The following MTMR3 variants were observed in gnomAD, a reference collection of about 807,000 sequenced individuals.
The protein encoded by MTMR3 is myotubularin related protein 3.
Under a neutral mutation model 132.4 loss-of-function variants are expected in MTMR3, and 32 were observed. The observed-to-expected ratio is 0.24, with a 90% confidence interval of 0.18 to 0.32. The LOEUF (loss-of-function observed/expected upper bound fraction) is 0.32, where lower values mean the gene tolerates loss of function less well. Ranked by LOEUF, MTMR3 falls within the 10% of genes least tolerant of loss-of-function variation. The probability of loss-of-function intolerance (pLI) is 1.00; values close to 1 mark genes in which losing one functional copy is unlikely to be tolerated. For synonymous variants in MTMR3, 556 were observed against 550.3 expected (o/e 1.01, Z -0.14); for missense variants, 1,216 against 1,489.6 (o/e 0.82, Z 3.02).
intron 7 of MTMR3, chr22:29,996,475 G>A (rs1453572004): frequency 6.6e-6 from 1 of 152,164 alleles, no homozygotes; most frequent in African/African-American, 2.4e-5. Flanking sequence ...GATCCTTTAA[G>A]GGTATCTATG....
rs115791498 is a variant in MTMR3, at chr22:30,008,393, C to T, written c.1009+361C>T. The T allele has an allele frequency of 3.7e-3, 702 of 191,524 alleles. 6 individuals carry two copies. The highest frequency in any genetic ancestry group is 0.015 in the African/African-American group (657 of 42,540). 11.9% of individuals were successfully genotyped at this position (191,524 alleles called of 1,614,324 possible). ...TTGCCTTTGACAGAGGGTATGCTCA[C>T]CACTGGCCTTGTAGCAAACTCCTCA... On this transcript the variant is annotated intron_variant, in intron 11 of 19. Coordinates refer to ENST00000401950, the MANE Select transcript of MTMR3 (RefSeq NM_021090.4).
chr22:29,971,871 T>C (rs2066543462), intron 3 of MTMR3, among the ~76,000 whole-genome samples: 1 of 152,244 alleles, frequency 6.6e-6, no homozygotes, highest in Non-Finnish European at 1.5e-5. Context: ...TTGTCCTTCT[T>C]CTACCTTGTG....
chr22:29,940,765 A>G (rs976808859), intron 1 of MTMR3, among the ~76,000 whole-genome samples: 7 of 149,968 alleles, frequency 4.7e-5, no homozygotes, highest in South Asian at 2.1e-4. Flanking sequence ...ATCACATCAT[A>G]TGGACTTGAT....
At chr22:30,004,558 A>T (rs958730251) in intron 9 of MTMR3, 3 of 152,166 alleles carry the variant, frequency 2.0e-5, no homozygotes, top group Non-Finnish European at 4.4e-5. Context: ...CCCTTTTTCT[A>T]GAGATACAAG....
rs571846085 is a variant in MTMR3 at position 30,029,221 on chromosome 22, T to A, written c.*3420T>A. The A allele has an allele frequency of 6.6e-6, 1 of 152,484 alleles. No individual in the cohort carries two copies. The highest frequency in any genetic ancestry group is 2.4e-5 in the African/African-American group (1 of 41,576). 9.4% of individuals were successfully genotyped at this position (152,484 alleles called of 1,614,324 possible). ...GAAGCAACAGGGCATGAACTGTGACTTTGAGCTGCCAGGTTGTCTTCATCT... is the reference window on the plus strand; with the variant it reads ...GAAGCAACAGGGCATGAACTGTGACATTGAGCTGCCAGGTTGTCTTCATCT... On this transcript the variant is annotated 3_prime_UTR_variant, in exon 20 of 20. Coordinates refer to ENST00000401950, the MANE Select transcript of MTMR3 (RefSeq NM_021090.4).
chr22:29,994,920 T>C (rs2067032343), intron 7 of MTMR3: 1 of 152,236 alleles, frequency 6.6e-6, no homozygotes, highest in Non-Finnish European at 1.5e-5. Context: ...ACCCTTCTCT[T>C]AGCCCCTCAA....
chr22:30,010,642 C>G (rs1453356254), intron 12 of MTMR3: 2 of 152,294 alleles, frequency 1.3e-5, no homozygotes, highest in Non-Finnish European at 2.9e-5. Flanking sequence ...CTTCATTAGT[C>G]ACAGACAACA....
intron 1 of MTMR3, among the ~76,000 whole-genome samples, chr22:29,932,084 T>C (rs2065658040): frequency 6.6e-6 from 1 of 152,236 alleles, no homozygotes; most frequent in Non-Finnish European, 1.5e-5. Flanking sequence ...TTGTAATTTG[T>C]TTCAGTCTAT....
intron 15 of MTMR3, chr22:30,017,592 C>T: frequency 4.3e-6 from 1 of 231,692 alleles, no homozygotes; most frequent in Non-Finnish European, 8.3e-6. Flanking sequence ...GAATGACTCA[C>T]TTTCTTAGGC....
At chr22:30,013,894 C>G (rs1210997337) in intron 14 of MTMR3, 2 of 203,240 alleles carry the variant, frequency 9.8e-6, no homozygotes, top group African/African-American at 4.8e-5. Flanking sequence ...TGCACCCTCT[C>G]CTTTGATGGA....
At chr22:29,961,556 G>A (rs1256857997) in intron 2 of MTMR3, among the ~76,000 whole-genome samples, 2 of 152,162 alleles carry the variant, frequency 1.3e-5, no homozygotes, top group Non-Finnish European at 2.9e-5. Flanking sequence ...ACAGACCCAA[G>A]ATACGATGGT....
intron 1 of MTMR3, among the ~76,000 whole-genome samples, chr22:29,896,275 ACTCCAGC>A (rs1260321187): frequency 6.6e-6 from 1 of 152,130 alleles, no homozygotes; most frequent in Admixed American, 6.6e-5. Flanking sequence ...ACACCACTGC[ACTCCAGC>A]CTAGGTGATA....
rs2067590579 is a variant in MTMR3 at position 30,016,319 on chromosome 22, C to T, written c.1504-209C>T. 7 of 527,412 alleles carry T rather than the reference C, an allele frequency of 1.3e-5. 1 individual carries two copies. In the South Asian group the frequency reaches 1.5e-4, roughly 11 times the overall value. 32.7% of individuals were successfully genotyped at this position (527,412 alleles called of 1,614,324 possible). A position where few individuals can be genotyped will look rare whatever the true frequency, so the allele number is the denominator to read the frequency against. ...TCACGGAAGCTAAGAGGAATAGGGGCACCAACAACCTGTCTGACTCAGGTT... is the reference window on the plus strand; with the variant it reads ...TCACGGAAGCTAAGAGGAATAGGGGTACCAACAACCTGTCTGACTCAGGTT... On this transcript the variant is annotated intron_variant, in intron 14 of 19. Coordinates refer to ENST00000401950, the MANE Select transcript of MTMR3 (RefSeq NM_021090.4).
chr22:29,910,663 C>G (rs913979889), intron 1 of MTMR3, among the ~76,000 whole-genome samples: 1 of 150,124 alleles, frequency 6.7e-6, no homozygotes, highest in African/African-American at 2.4e-5. Context: ...CTCTTTCTTG[C>G]TAAACTGTCA....
intron 1 of MTMR3, among the ~76,000 whole-genome samples, chr22:29,902,019 A>G (rs1205973569): frequency 6.6e-6 from 1 of 152,224 alleles, no homozygotes; most frequent in Non-Finnish European, 1.5e-5. Context: ...GCATTGATGC[A>G]TGCATACATA....
chr22:29,960,360 T>C (rs2066286129), intron 2 of MTMR3, among the ~76,000 whole-genome samples: 1 of 152,190 alleles, frequency 6.6e-6, no homozygotes, highest in Non-Finnish European at 1.5e-5. Context: ...ACTGTGGTTA[T>C]ATGAGAGATT....
intron 1 of MTMR3, among the ~76,000 whole-genome samples, chr22:29,954,568 G>A (rs912298502): frequency 2.0e-5 from 3 of 150,758 alleles, no homozygotes; most frequent in South Asian, 2.1e-4. Flanking sequence ...TGAATCTCTC[G>A]TTTGGTCCAT....
In MTMR3 at chr22:29,925,058, G is replaced by C. The variant is rs557524381; in HGVS notation, c.-137-31978G>C. On this transcript the variant is annotated intron_variant, in intron 1 of 19. Coordinates refer to ENST00000401950, the MANE Select transcript of MTMR3 (RefSeq NM_021090.4). ...AATTTATTTTATTTTTTTGGAGACA[G>C]AGCAAACTCTGTCACCCAGGCTAGA... is the stretch of plus-strand genomic sequence containing the variant. Among the ~76,000 whole-genome samples, 195 of 152,228 alleles carry C rather than the reference G, an allele frequency of 1.3e-3. 1 individual carries two copies. The highest frequency in any genetic ancestry group is 4.6e-3 in the African/African-American group (191 of 41,494).
At chr22:29,914,390 A>G (rs929116041) in intron 1 of MTMR3, among the ~76,000 whole-genome samples, 8 of 152,110 alleles carry the variant, frequency 5.3e-5, no homozygotes, top group African/African-American at 1.9e-4. Flanking sequence ...TTTGCCATTT[A>G]TATGTCTTTG....
Sources: allele counts gnomAD v4.1 joint callset (sites outside exome capture counted in the v4.1 genomes callset), GRCh38; gene constraint gnomAD v4.1.1; transcripts MANE v1.5; gene names NCBI Gene and HGNC (gene_info 2026-07-23, HGNC 2026-07-21).